The following ARHGAP15 variants were observed in gnomAD, a reference collection of about 807,000 sequenced individuals.
ARHGAP15 encodes rho GTPase-activating protein 15.
A neutral mutation model predicts 63.7 loss-of-function variants in ARHGAP15; 51 were observed. The ratio of observed to expected loss-of-function variants is 0.80; its 90% CI spans 0.64 to 1.01. ARHGAP15 has a LOEUF of 1.01. ARHGAP15 is among the 50% of genes least tolerant of loss of function. The pLI is 0.00. For synonymous variants in ARHGAP15, 191 were observed against 193.8 expected, an observed-to-expected ratio of 0.99 and a Z score of 0.12; for missense variants, 560 against 564.6, an observed-to-expected ratio of 0.99 and a Z score of 0.08.
At chr2:143,262,559 T>TTTTTTTA (rs1240148899) in intron 6 of ARHGAP15, among the ~76,000 whole-genome samples, 1 of 132,530 alleles carries the variant, frequency 7.5e-6, no homozygotes, top group Non-Finnish European at 1.6e-5. Flanking sequence ...TTTTTTTTTT[T>TTTTTTTA]ACTTTGTCAC....
intron 12 of ARHGAP15, among the ~76,000 whole-genome samples, chr2:143,694,569 C>G (rs945716622): frequency 6.6e-6 from 1 of 152,296 alleles, no homozygotes; most frequent in African/African-American, 2.4e-5. Flanking sequence ...TTATCACTCC[C>G]AGTTCAGAAA....
intron 2 of ARHGAP15, among the ~76,000 whole-genome samples, chr2:143,188,655 T>C: frequency 6.8e-6 from 1 of 147,870 alleles, no homozygotes; most frequent in African/African-American, 2.5e-5. Context: ...TTATTATTAT[T>C]TGTCTCCCAA....
intron 6 of ARHGAP15, among the ~76,000 whole-genome samples, chr2:143,251,723 A>G (rs1680166151): frequency 6.6e-6 from 1 of 152,060 alleles, no homozygotes; most frequent in African/African-American, 2.4e-5. Context: ...ATAAAATTTA[A>G]AAAGGAAGGA....
intron 6 of ARHGAP15, among the ~76,000 whole-genome samples, chr2:143,423,815 G>T (rs935524397): frequency 2.0e-5 from 3 of 152,018 alleles, no homozygotes; most frequent in Admixed American, 6.6e-5. Context: ...CCCTTATAAT[G>T]GTCCTATGAT....
chr2:143,645,685 A>T (rs887302321), intron 12 of ARHGAP15, among the ~76,000 whole-genome samples: 1 of 152,070 alleles, frequency 6.6e-6, no homozygotes, highest in Non-Finnish European at 1.5e-5. Flanking sequence ...GGAACATAAG[A>T]TCAAATAACT....
rs577253918 is a variant in ARHGAP15 at position 143,442,986 on chromosome 2, AAT to A, written c.703+5949_703+5950del. ...TGTTTTCCTATTTTCCTCCAAAACC[AAT>A]ATATTTTTTTCCTGTGACCATTGAG... is the stretch of plus-strand genomic sequence containing the variant. On this transcript the variant is annotated intron_variant, in intron 8 of 13. Coordinates refer to ENST00000295095, the MANE Select transcript of ARHGAP15 (RefSeq NM_018460.4). Among the ~76,000 whole-genome samples the A allele has an allele frequency of 3.2e-3, 494 of 152,278 alleles. 1 individual carries two copies. The highest frequency in any genetic ancestry group is 0.011 in the African/African-American group (471 of 41,572).
At chr2:143,179,965 A>G (rs1055236647) in intron 2 of ARHGAP15, among the ~76,000 whole-genome samples, 19 of 151,880 alleles carry the variant, frequency 1.3e-4, no homozygotes, top group African/African-American at 4.6e-4. Flanking sequence ...CTGAGCCTTC[A>G]AAGAGTCATA....
In ARHGAP15 at chr2:143,330,116, A is replaced by AAC. The variant is rs1684461158; in HGVS notation, c.474+79517_474+79518insCA. On this transcript the variant is annotated intron_variant, in intron 6 of 13. Coordinates refer to ENST00000295095, the MANE Select transcript of ARHGAP15 (RefSeq NM_018460.4). ...TCTCAAAAAAAAAAAAAAAAAAAAA[A>AAC]AAAAAAAAAAAAAAACCAAAAACAA... Among the ~76,000 whole-genome samples, 98 of 86,784 alleles carry AAC rather than the reference A, an allele frequency of 1.1e-3. 1 individual carries two copies. Among genetic ancestry groups the AAC allele is most frequent in the Non-Finnish European group, 1.8e-3 (76 of 43,184 alleles). The allele number at this position is 86,784 out of a possible 152,430, so 56.9% of individuals were successfully genotyped here.
chr2:143,155,607 C>T lies in ARHGAP15; in HGVS notation c.117C>T (p.Ser39=), dbSNP rs775911200. ...CCAACAGCCACCATGACAGGCTCAGCCAAAGTAAATCCATGATCCTCACCG... is the reference window on the plus strand; with the variant it reads ...CCAACAGCCACCATGACAGGCTCAGTCAAAGTAAATCCATGATCCTCACCG... ...KNANSHHDRL[S]QSKSMILTDV... is the part of the protein sequence containing the mutation. The change falls in exon 2 of 14, where the codon AGC becomes AGT. Residue 39 remains serine (S), a synonymous_variant. Coordinates refer to ENST00000295095, the MANE Select transcript of ARHGAP15 (RefSeq NM_018460.4). 14 of 1,606,576 alleles carry T rather than the reference C, an allele frequency of 8.7e-6. No homozygotes were observed. In the Middle Eastern group the frequency reaches 6.6e-4, roughly 76 times the overall value.
At chr2:143,706,428 T>A (rs1488674758) in intron 13 of ARHGAP15, 1 of 152,114 alleles carries the variant, frequency 6.6e-6, no homozygotes, top group Non-Finnish European at 1.5e-5. Flanking sequence ...TTAGTGAGGG[T>A]CAGGGAATGT....
At chr2:143,653,038 G>GT (rs1681251563) in intron 12 of ARHGAP15, among the ~76,000 whole-genome samples, 2 of 151,972 alleles carry the variant, frequency 1.3e-5, no homozygotes, top group African/African-American at 4.8e-5. Context: ...CTAGTTTTAG[G>GT]TTTTTCCTTC....
intron 11 of ARHGAP15, among the ~76,000 whole-genome samples, chr2:143,607,310 T>C (rs1698076411): frequency 6.6e-6 from 1 of 152,166 alleles, no homozygotes; most frequent in African/African-American, 2.4e-5. Flanking sequence ...TTCATAACAC[T>C]TATCTTTTGA....
intron 10 of ARHGAP15, among the ~76,000 whole-genome samples, chr2:143,522,615 C>T (rs1694103683): frequency 6.6e-6 from 1 of 152,108 alleles, no homozygotes; most frequent in Non-Finnish European, 1.5e-5. Context: ...AATCTTTTGG[C>T]TTCCTTGGGT....
chr2:143,547,311 A>G (rs933657267), intron 10 of ARHGAP15, among the ~76,000 whole-genome samples: 5 of 152,164 alleles, frequency 3.3e-5, no homozygotes, highest in Non-Finnish European at 7.4e-5. Flanking sequence ...TAAATGGCTT[A>G]TCAATCTATA....
rs368759241 is a variant in ARHGAP15 at position 143,356,061 on chromosome 2, AGAG to A, written c.475-79539_475-79537del. On this transcript the variant is annotated intron_variant, in intron 6 of 13. Coordinates refer to ENST00000295095, the MANE Select transcript of ARHGAP15 (RefSeq NM_018460.4). The stretch of plus-strand genomic sequence containing the variant: ...GCATCTTCATCTTATTAAAAAAAAA[AGAG>A]AGAGAGAGAGAAAGAAAGAAAGCAT... Among the ~76,000 whole-genome samples, 736 of 149,346 alleles carry A rather than the reference AGAG, an allele frequency of 4.9e-3. 5 individuals carry two copies. Among genetic ancestry groups the A allele is most frequent in the African/African-American group, 0.017 (679 of 39,446 alleles).
chr2:143,380,762 A>G (rs148546528), intron 6 of ARHGAP15, among the ~76,000 whole-genome samples: 11 of 152,276 alleles, frequency 7.2e-5, no homozygotes, highest in Middle Eastern at 3.4e-3. Flanking sequence ...GTACAGACAG[A>G]CACATATGTG....
chr2:143,636,521 G>A (rs1476935866), intron 12 of ARHGAP15, among the ~76,000 whole-genome samples: 1 of 152,110 alleles, frequency 6.6e-6, no homozygotes, highest in African/African-American at 2.4e-5. Flanking sequence ...TCTGCGAGCT[G>A]GGCCCCCTCC....
chr2:143,283,235 C>G (rs1017944621), intron 6 of ARHGAP15, among the ~76,000 whole-genome samples: 1 of 152,170 alleles, frequency 6.6e-6, no homozygotes, highest in Non-Finnish European at 1.5e-5. Context: ...TAATGTCACA[C>G]TGTTCCCTTC....
At chr2:143,437,284 C>G (rs1413328080) in intron 8 of ARHGAP15, 1 of 404,552 alleles carries the variant, frequency 2.5e-6, no homozygotes, top group African/African-American at 2.1e-5. Context: ...CAGCAAACCT[C>G]TGAATCTCTG....
Sources: allele counts gnomAD v4.1 joint callset (sites outside exome capture counted in the v4.1 genomes callset), GRCh38; gene constraint gnomAD v4.1.1; transcripts MANE v1.5; gene names NCBI Gene and HGNC (gene_info 2026-07-23, HGNC 2026-07-21).